The following HTR4 variants were observed in gnomAD, a reference collection of about 807,000 sequenced individuals.
HTR4 encodes the protein 5-hydroxytryptamine receptor 4, also known as 5-hydroxytryptamine (serotonin) receptor 4, G protein-coupled.
Under a neutral mutation model 36.8 loss-of-function variants are expected in HTR4, and 16 were observed. The ratio of observed to expected loss-of-function variants is 0.43; its 90% CI spans 0.29 to 0.66. The LOEUF is 0.66. HTR4 is among the 30% of genes least tolerant of loss of function. HTR4 has a pLI of 0.13. For synonymous variants in HTR4, 189 were observed against 185.1 expected (o/e 1.02, Z -0.17); for missense variants, 438 against 490.9 (o/e 0.89, Z 1.02).
In HTR4 at chr5:148,482,516, C is replaced by T. The variant is rs1336416001; in HGVS notation, c.*687G>A. On this transcript the variant is annotated 3_prime_UTR_variant, in exon 7 of 7. Transcript: ENST00000377888. Reference sequence around the variant, plus strand: ...CTCTGACAGATCTCTGACCCTGTGTCTTCCATGGAAAATAAATGGAGCATG... The same window carrying T: ...CTCTGACAGATCTCTGACCCTGTGTTTTCCATGGAAAATAAATGGAGCATG... The T allele has an allele frequency of 1.0e-6, 1 of 985,508 alleles. No individual in the cohort carries two copies. Among genetic ancestry groups the T allele is most frequent in the African/African-American group, 1.7e-5 (1 of 57,218 alleles). 61.0% of individuals were successfully genotyped at this position (985,508 alleles called of 1,614,324 possible).
intron 1 of HTR4, among the ~76,000 whole-genome samples, chr5:148,638,120 G>A (rs769551240): frequency 6.6e-6 from 1 of 152,178 alleles, no homozygotes; most frequent in South Asian, 2.1e-4. Flanking sequence ...AACAGATGTG[G>A]CTGGCAGCCA....
At chr5:148,619,293 A>G (rs539516131) in intron 2 of HTR4, among the ~76,000 whole-genome samples, 195 of 152,310 alleles carry the variant, frequency 1.3e-3, no homozygotes, top group South Asian at 3.9e-3. Flanking sequence ...TTAATAATCT[A>G]TGAAGTTCTA....
chr5:148,549,417 G>A (rs1457134168), intron 3 of HTR4, among the ~76,000 whole-genome samples: 1 of 152,146 alleles, frequency 6.6e-6, no homozygotes, highest in Non-Finnish European at 1.5e-5. Flanking sequence ...TAGATGTGTG[G>A]ATGTCTTACT....
chr5:148,570,076 A>G (rs549752299), intron 2 of HTR4, among the ~76,000 whole-genome samples: 35 of 152,144 alleles, frequency 2.3e-4, no homozygotes, highest in Non-Finnish European at 4.9e-4. Flanking sequence ...TAGGTCATAC[A>G]CAAGAGTATT....
chr5:148,505,344 A>G lies in HTR4; in HGVS notation c.1076+4112T>C, dbSNP rs1021476511. Among the ~76,000 whole-genome samples the G allele has an allele frequency of 1.4e-3, 220 of 152,186 alleles. 1 individual carries two copies. The highest frequency in any genetic ancestry group is 2.0e-3 in the Non-Finnish European group (134 of 68,034). ...ACAGCCCTTCATGGTAAAAACTCTC[A>G]ATAAGTTAGGTATTGATGGGACATA... On this transcript the variant is annotated intron_variant, in intron 6 of 6. Transcript: ENST00000377888.
intron 2 of HTR4, among the ~76,000 whole-genome samples, chr5:148,614,064 C>G (rs1047904016): frequency 7.9e-5 from 12 of 151,838 alleles, no homozygotes; most frequent in African/African-American, 2.9e-4. Flanking sequence ...ATTCTATGCT[C>G]ATGGGTAGGA....
At chr5:148,567,337 T>G (rs1396373169) in intron 2 of HTR4, among the ~76,000 whole-genome samples, 2 of 152,198 alleles carry the variant, frequency 1.3e-5, no homozygotes, top group African/African-American at 4.8e-5. Flanking sequence ...TCTAACTTAC[T>G]TCTTACAAGT....
At position 148,482,122 on chromosome 5, in the gene HTR4, G is replaced by A; in HGVS notation, c.*1081C>T. ...CAGCACAGCCAGGGCGGCAATTTGG[G>A]TCCTCTGGCTTCAAGTACAGCATTG... On this transcript the variant is annotated 3_prime_UTR_variant, in exon 7 of 7. Transcript: ENST00000377888. 1.0e-6 allele frequency: 1 copy of A among 985,874 alleles called. No homozygotes were observed. Among genetic ancestry groups the A allele is most frequent in the Non-Finnish European group, 1.2e-6 (1 of 830,314 alleles). 61.1% of individuals were successfully genotyped at this position (985,874 alleles called of 1,614,324 possible). A position where few individuals can be genotyped will look rare whatever the true frequency, so the allele number is the denominator to read the frequency against.
intron 2 of HTR4, among the ~76,000 whole-genome samples, chr5:148,632,737 A>C (rs1418989684): frequency 6.6e-6 from 1 of 152,080 alleles, no homozygotes; most frequent in Admixed American, 6.5e-5. Context: ...AAATTATAAT[A>C]AACAGCCAGA....
At chr5:148,494,644 G>A (rs1415496681) in intron 6 of HTR4, among the ~76,000 whole-genome samples, 1 of 152,238 alleles carries the variant, frequency 6.6e-6, no homozygotes, top group African/African-American at 2.4e-5. Flanking sequence ...GAGTTAGTGA[G>A]TCTGAGAGAA....
At chr5:148,565,863 A>C (rs1045921343) in intron 2 of HTR4, among the ~76,000 whole-genome samples, 4 of 152,180 alleles carry the variant, frequency 2.6e-5, no homozygotes, top group Admixed American at 6.5e-5. Context: ...AGACAGAATC[A>C]TGTAAAGGAG....
intron 2 of HTR4, among the ~76,000 whole-genome samples, chr5:148,558,931 C>T (rs910500575): frequency 3.9e-5 from 6 of 152,198 alleles, no homozygotes; most frequent in African/African-American, 1.2e-4. Context: ...TCCCAGTAAA[C>T]CCATTGTAAG....
At chr5:148,576,938 C>A (rs1349902674) in intron 2 of HTR4, among the ~76,000 whole-genome samples, 1 of 152,042 alleles carries the variant, frequency 6.6e-6, no homozygotes, top group Non-Finnish European at 1.5e-5. Flanking sequence ...AGACCAAAAG[C>A]AAACACAACA....
At chr5:148,518,968 C>T (rs533046917) in intron 5 of HTR4, among the ~76,000 whole-genome samples, 9 of 152,080 alleles carry the variant, frequency 5.9e-5, no homozygotes, top group East Asian at 1.9e-4. Flanking sequence ...TGAAATATAT[C>T]GTACTTTCTC....
chr5:148,620,054 G>C (rs566941809), intron 2 of HTR4, among the ~76,000 whole-genome samples: 2 of 152,152 alleles, frequency 1.3e-5, no homozygotes, highest in Admixed American at 6.6e-5. Context: ...GGGGAAAAGA[G>C]GTAATGTAAG....
chr5:148,467,116 A>G (rs1180425794), intron 5 of HTR4, among the ~76,000 whole-genome samples: 2 of 152,216 alleles, frequency 1.3e-5, no homozygotes, highest in African/African-American at 4.8e-5. Context: ...TCACTCAAAT[A>G]GCAGGATTGT....
At chr5:148,513,174 A>G (rs575748895) in intron 5 of HTR4, among the ~76,000 whole-genome samples, 1 of 152,086 alleles carries the variant, frequency 6.6e-6, no homozygotes, top group South Asian at 2.1e-4. Flanking sequence ...TATTTTTTGT[A>G]AAGACAGGGT....
intron 5 of HTR4, among the ~76,000 whole-genome samples, chr5:148,455,563 G>A (rs1489840159): frequency 6.6e-6 from 1 of 152,128 alleles, no homozygotes; most frequent in African/African-American, 2.4e-5. Flanking sequence ...TTTCTCCAGA[G>A]GGCAGTTGAA....
chr5:148,654,415 G>GC lies in HTR4; in HGVS notation c.-402dup. 3 of 985,486 alleles carry GC rather than the reference G, an allele frequency of 3.0e-6. 1 individual carries two copies. Among genetic ancestry groups the GC allele is most frequent in the Middle Eastern group, 1.0e-3 (2 of 1,912 alleles). The allele number at this position is 985,486 out of a possible 1,614,324, so 61.0% of individuals were successfully genotyped here. On this transcript the variant is annotated 5_prime_UTR_variant, in exon 1 of 7. Transcript: ENST00000377888. ...ACTGGGCGCCAGGGACAGCGGGGGT[G>GC]CCGCTCTGCCGGCAGGGCGCACAGG...
Sources: allele counts gnomAD v4.1 joint callset (sites outside exome capture counted in the v4.1 genomes callset), GRCh38; gene constraint gnomAD v4.1.1; transcripts MANE v1.5; gene names NCBI Gene and HGNC (gene_info 2026-07-23, HGNC 2026-07-21).